The following SGCZ variants were observed in gnomAD, a reference collection of about 807,000 sequenced individuals.
SGCZ encodes sarcoglycan zeta, also known as zeta-sarcoglycan.
A neutral mutation model predicts 41.3 loss-of-function variants in SGCZ; 40 were observed. The observed-to-expected ratio is 0.97, with a 90% CI of 0.75 to 1.26. The LOEUF (loss-of-function observed/expected upper bound fraction) is 1.26. Ranked by LOEUF, SGCZ falls within the 50% of genes most tolerant of loss-of-function variation. The probability of loss-of-function intolerance (pLI) is 0.00; values close to 1 mark genes in which losing one functional copy is unlikely to be tolerated. For synonymous variants in SGCZ, 206 were observed against 137.5 expected (o/e 1.50, Z -3.49); for missense variants, 552 against 369.8 (o/e 1.49, Z -4.04).
At chr8:14,316,834 C>T (rs1801735176) in intron 3 of SGCZ, among the ~76,000 whole-genome samples, 1 of 151,474 alleles carries the variant, frequency 6.6e-6, no homozygotes, top group African/African-American at 2.4e-5. Flanking sequence ...CACACACACA[C>T]ACACACACAC....
chr8:14,793,269 A>C (rs747745478), intron 1 of SGCZ, among the ~76,000 whole-genome samples: 1 of 152,162 alleles, frequency 6.6e-6, no homozygotes, highest in Non-Finnish European at 1.5e-5. Context: ...TGACTGCTAA[A>C]ACAGCCTTGT....
intron 3 of SGCZ, among the ~76,000 whole-genome samples, chr8:14,249,670 A>G (rs1799218335): frequency 6.6e-6 from 1 of 152,302 alleles, no homozygotes; most frequent in African/African-American, 2.4e-5. Flanking sequence ...TCTATTTTCA[A>G]CTTCTATAGT....
At chr8:15,100,876 C>A (rs988088107) in intron 1 of SGCZ, among the ~76,000 whole-genome samples, 3 of 151,894 alleles carry the variant, frequency 2.0e-5, no homozygotes, top group Admixed American at 1.3e-4. Context: ...ATGGTCCCAA[C>A]TACACAGGAG....
chr8:14,479,868 C>G (rs1269822360), intron 2 of SGCZ, among the ~76,000 whole-genome samples: 3 of 151,742 alleles, frequency 2.0e-5, no homozygotes, highest in African/African-American at 7.3e-5. Flanking sequence ...GCCTCAGGCT[C>G]CCAAGTAGCT....
At chr8:14,095,329 G>A (rs953478899) in intron 7 of SGCZ, among the ~76,000 whole-genome samples, 4 of 152,144 alleles carry the variant, frequency 2.6e-5, no homozygotes, top group East Asian at 1.9e-4. Flanking sequence ...TCCAGTTTCA[G>A]CTTTCTGCAT....
At chr8:14,783,448 A>G (rs995484702) in intron 1 of SGCZ, among the ~76,000 whole-genome samples, 3 of 151,830 alleles carry the variant, frequency 2.0e-5, no homozygotes, top group Admixed American at 2.0e-4. Flanking sequence ...AAAAAAAAGA[A>G]GGAAAGAAAA....
chr8:15,036,376 G>A (rs914304347), intron 1 of SGCZ, among the ~76,000 whole-genome samples: 2 of 151,998 alleles, frequency 1.3e-5, no homozygotes, highest in African/African-American at 4.8e-5. Flanking sequence ...ACACACAGAG[G>A]GGAGTAACAC....
chr8:14,092,933 A>G (rs1801733579), intron 7 of SGCZ, among the ~76,000 whole-genome samples: 1 of 152,104 alleles, frequency 6.6e-6, no homozygotes, highest in Non-Finnish European at 1.5e-5. Context: ...CCTATGTTCA[A>G]TACCTACTTT....
At chr8:14,484,884 A>G (rs1288564341) in intron 2 of SGCZ, among the ~76,000 whole-genome samples, 1 of 152,176 alleles carries the variant, frequency 6.6e-6, no homozygotes. Flanking sequence ...ATAATAAGAT[A>G]AATTAAATGC....
At chr8:14,880,533 G>C (rs113651470) in intron 1 of SGCZ, among the ~76,000 whole-genome samples, 8 of 152,178 alleles carry the variant, frequency 5.3e-5, no homozygotes, top group Non-Finnish European at 1.0e-4. Context: ...ATTCACAATA[G>C]CAAAGACTTG....
intron 2 of SGCZ, among the ~76,000 whole-genome samples, chr8:14,518,252 G>C (rs554261736): frequency 1.3e-5 from 2 of 151,854 alleles, no homozygotes; most frequent in South Asian, 4.2e-4. Flanking sequence ...GATTTCAAAA[G>C]CTAACACCTG....
intron 1 of SGCZ, among the ~76,000 whole-genome samples, chr8:14,871,363 G>T (rs1163682160): frequency 1.3e-5 from 2 of 152,126 alleles, no homozygotes; most frequent in African/African-American, 4.8e-5. Flanking sequence ...AATACCATTT[G>T]ACCCAGTAAT....
chr8:14,927,300 G>A (rs1799786613), intron 1 of SGCZ, among the ~76,000 whole-genome samples: 1 of 151,468 alleles, frequency 6.6e-6, no homozygotes, highest in African/African-American at 2.4e-5. Context: ...TAGTAGAGAT[G>A]GGGTTTCACA....
chr8:14,539,101 T>C (rs1444834326), intron 2 of SGCZ, among the ~76,000 whole-genome samples: 1 of 151,910 alleles, frequency 6.6e-6, no homozygotes, highest in African/African-American at 2.4e-5. Context: ...ATCCAATCAG[T>C]TAAAGAATTT....
chr8:14,344,454 A>G (rs1047701087), intron 2 of SGCZ, among the ~76,000 whole-genome samples: 4 of 152,122 alleles, frequency 2.6e-5, no homozygotes, highest in African/African-American at 7.2e-5. Context: ...TAACAACAAT[A>G]AAACTGACAG....
chr8:14,910,806 G>T (rs73666943), intron 1 of SGCZ, among the ~76,000 whole-genome samples: 1 of 151,802 alleles, frequency 6.6e-6, no homozygotes, highest in Non-Finnish European at 1.5e-5. Flanking sequence ...AAATTATTCA[G>T]CTTGGCTTAT....
chr8:14,259,038 C>T (rs1024319274), intron 3 of SGCZ, among the ~76,000 whole-genome samples: 2 of 152,144 alleles, frequency 1.3e-5, no homozygotes, highest in African/African-American at 4.8e-5. Context: ...CCAAAACGTG[C>T]TAAAAGTCTT....
At chr8:14,975,377 A>G (rs992339198) in intron 1 of SGCZ, among the ~76,000 whole-genome samples, 6 of 152,164 alleles carry the variant, frequency 3.9e-5, no homozygotes, top group African/African-American at 1.4e-4. Context: ...CGTTCCATCG[A>G]AGCACAATGA....
At chr8:14,562,500 A>C (rs1271035381) in intron 1 of SGCZ, among the ~76,000 whole-genome samples, 1 of 152,200 alleles carries the variant, frequency 6.6e-6, no homozygotes, top group Admixed American at 6.5e-5. Flanking sequence ...GATATTACAA[A>C]TATAATGGAC....
Sources: allele counts gnomAD v4.1 joint callset (sites outside exome capture counted in the v4.1 genomes callset), GRCh38; gene constraint gnomAD v4.1.1; transcripts MANE v1.5; gene names NCBI Gene and HGNC (gene_info 2026-07-23, HGNC 2026-07-21).